The following NRXN3 variants were observed in gnomAD, a reference collection of about 807,000 sequenced individuals.
The protein encoded by NRXN3 is neurexin 3.
NRXN3 carries 32 observed loss-of-function variants against 137.6 expected under a neutral mutation model. The observed-to-expected ratio is 0.23, with a 90% CI of 0.18 to 0.31. NRXN3 has a LOEUF of 0.31. Among genes scored for constraint, NRXN3 ranks in the 10% least tolerant of loss-of-function variants. The pLI, the probability that NRXN3 is intolerant of heterozygous loss-of-function variation, is 1.00. For missense variants in NRXN3, 1,574 were observed against 2,062.5 expected (o/e 0.76, Z 4.59); for synonymous variants, 798 against 784.5 (o/e 1.02, Z -0.29).
intron 4 of NRXN3, among the ~76,000 whole-genome samples, chr14:78,558,500 A>C (rs1600446700): frequency 6.6e-6 from 1 of 152,204 alleles, no homozygotes; most frequent in African/African-American, 2.4e-5. Flanking sequence ...TTTCATTGCT[A>C]TTACTCTGGC....
intron 10 of NRXN3, among the ~76,000 whole-genome samples, chr14:78,938,842 A>ATTTTTCTTTTTTTTTTTTTTTTCT (rs2099347085): frequency 2.2e-5 from 3 of 134,370 alleles, no homozygotes; most frequent in African/African-American, 8.9e-5. Context: ...GTCCAGAGTG[A>ATTTTTCTTTTTTTTTTTTTTTTCT]TTTTTCTTTT....
At chr14:78,457,510 C>T (rs1279674960) in intron 4 of NRXN3, among the ~76,000 whole-genome samples, 3 of 152,082 alleles carry the variant, frequency 2.0e-5, no homozygotes, top group Non-Finnish European at 4.4e-5. Context: ...ACCTTCTGGT[C>T]CAGGATCAGG....
At chr14:78,483,240 G>A (rs541605716) in intron 4 of NRXN3, among the ~76,000 whole-genome samples, 5 of 152,246 alleles carry the variant, frequency 3.3e-5, no homozygotes, top group East Asian at 1.9e-4. Flanking sequence ...CCCCTTCTAC[G>A]TGACTCTGTC....
rs2098391198 is a variant in NRXN3, at chr14:78,709,926, A to G, written c.1660+271A>G. ...AGCTAAGGATGGTTTTACAAGTAGC[A>G]TTTCCACTGCTACCAGAGCAACTCT... On this transcript the variant is annotated intron_variant, in intron 7 of 20. Coordinates refer to ENST00000335750, the MANE Select transcript of NRXN3 (RefSeq NM_001330195.2). 6.9e-6 allele frequency: 3 copies of G among 433,154 alleles called. No individual in the cohort carries two copies. In the South Asian group the frequency reaches 8.0e-5, roughly 12 times the overall value. 26.8% of individuals were successfully genotyped at this position (433,154 alleles called of 1,614,324 possible).
chr14:78,728,049 G>T (rs1281584899), intron 8 of NRXN3, among the ~76,000 whole-genome samples: 1 of 152,184 alleles, frequency 6.6e-6, no homozygotes, highest in Non-Finnish European at 1.5e-5. Flanking sequence ...AAGTTACAGA[G>T]GTAGTAAGTA....
rs17109141 is a variant in NRXN3, at chr14:79,411,177, C to T, written c.3263-56044C>T. On this transcript the variant is annotated intron_variant, in intron 15 of 20. Transcript: ENST00000335750. ...TATGTCAGAGTTTGCAAGCATGTGG[C>T]TTATAAACTCAAGATGGCTGGTACA... Among the ~76,000 whole-genome samples the T allele has an allele frequency of 2.4e-3, 358 of 152,178 alleles. 7 individuals carry two copies. In the East Asian group the frequency reaches 0.058, roughly 25 times the overall value.
At position 78,243,313 on chromosome 14, in the gene NRXN3, G is replaced by A. The variant is rs1316421578; in HGVS notation, c.220G>A (p.Asp74Asn). 2.6e-6 allele frequency: 4 copies of A among 1,559,148 alleles called. No homozygotes were observed. The highest frequency in any genetic ancestry group is 2.3e-5 in the East Asian group (1 of 42,744). Residue 74 changes from aspartate to asparagine, a missense_variant, in exon 2 of 21, where the codon GAC (aspartate) becomes AAC (asparagine). Asp to Asn is a conservative substitution (Grantham distance 23). This residue lies in a region of NRXN3 where 400 missense variants were observed against 527.3 expected (regional missense o/e 0.76). Coordinates refer to ENST00000335750, the MANE Select transcript of NRXN3 (RefSeq NM_001330195.2). This position sits in a 1 kb window ranked among gnomAD's most constrained non-coding sequence, Gnocchi z 4.2. ...CTACCTGGATGATGGCGGCGTCTGCGACTTCCTATGCCTCTCCCTGGTGGA... is the reference window on the plus strand; with the variant it reads ...CTACCTGGATGATGGCGGCGTCTGCAACTTCCTATGCCTCTCCCTGGTGGA... ...LLYLDDGGVC[D>N]FLCLSLVDGR...
At chr14:79,319,924 G>A (rs1263254146) in intron 15 of NRXN3, among the ~76,000 whole-genome samples, 1 of 152,100 alleles carries the variant, frequency 6.6e-6, no homozygotes, top group Non-Finnish European at 1.5e-5. Flanking sequence ...ATGCCCAAGG[G>A]TGTATTTTGC....
chr14:78,783,546 T>A (rs560024944), intron 8 of NRXN3, among the ~76,000 whole-genome samples: 2 of 152,326 alleles, frequency 1.3e-5, no homozygotes, highest in Admixed American at 6.5e-5. Context: ...AATGTATATT[T>A]GCTATGATTG....
rs181081331 is a variant in NRXN3, at chr14:78,855,478, A to G, written c.2275+45134A>G. On this transcript the variant is annotated intron_variant, in intron 10 of 20. Coordinates refer to ENST00000335750, the MANE Select transcript of NRXN3 (RefSeq NM_001330195.2). ...AACCTGTAATCCCAATGCCTGTTCT[A>G]TGTGTTATACCTGTGTTTTCCTGAA... Among the ~76,000 whole-genome samples, 323 of 152,214 alleles carry G rather than the reference A, an allele frequency of 2.1e-3. 1 individual carries two copies. Among genetic ancestry groups the G allele is most frequent in the African/African-American group, 6.8e-3 (282 of 41,532 alleles).
At chr14:79,468,020 G>A (rs772796190) in intron 16 of NRXN3, among the ~76,000 whole-genome samples, 8 of 152,206 alleles carry the variant, frequency 5.3e-5, no homozygotes, top group Middle Eastern at 3.2e-3. Context: ...TGTAATAAAT[G>A]TGTGATAAAA....
intron 16 of NRXN3, among the ~76,000 whole-genome samples, chr14:79,586,458 T>G (rs554921437): frequency 2.0e-5 from 3 of 152,334 alleles, no homozygotes; most frequent in Admixed American, 2.0e-4. Context: ...TTGAATATGG[T>G]CAGATGTTGG....
chr14:78,718,664 CT>C (rs1394382479), intron 8 of NRXN3, among the ~76,000 whole-genome samples: 1 of 152,212 alleles, frequency 6.6e-6, no homozygotes, highest in Non-Finnish European at 1.5e-5. Flanking sequence ...ATGAGCTACT[CT>C]AAATCTTGAT....
chr14:78,413,253 A>T (rs1451620276), intron 4 of NRXN3, among the ~76,000 whole-genome samples: 3 of 152,172 alleles, frequency 2.0e-5, no homozygotes, highest in South Asian at 2.1e-4. Context: ...TGTGACACAG[A>T]GTTTGCTCTG....
At chr14:79,752,974 C>G (rs1396359678) in intron 19 of NRXN3, among the ~76,000 whole-genome samples, 1 of 152,012 alleles carries the variant, frequency 6.6e-6, no homozygotes, top group East Asian at 1.9e-4. Flanking sequence ...AAAAAATGCT[C>G]ATCATCACTG....
chr14:78,928,036 A>G (rs930027128), intron 10 of NRXN3, among the ~76,000 whole-genome samples: 1 of 152,152 alleles, frequency 6.6e-6, no homozygotes, highest in Non-Finnish European at 1.5e-5. Flanking sequence ...TGATTCTCAG[A>G]CATATTCCAC....
intron 14 of NRXN3, among the ~76,000 whole-genome samples, chr14:78,983,408 C>T (rs1459215490): frequency 1.3e-5 from 2 of 152,192 alleles, no homozygotes; most frequent in African/African-American, 4.8e-5. Flanking sequence ...TGTTCATCCT[C>T]AGATGAATGG....
chr14:78,409,575 A>T (rs985999643), intron 4 of NRXN3, among the ~76,000 whole-genome samples: 2 of 152,222 alleles, frequency 1.3e-5, no homozygotes, highest in Middle Eastern at 3.2e-3. Context: ...TAACCTCTTG[A>T]TATGAATTTA....
At chr14:78,569,695 G>A (rs996406283) in intron 4 of NRXN3, among the ~76,000 whole-genome samples, 11 of 152,054 alleles carry the variant, frequency 7.2e-5, no homozygotes, top group African/African-American at 2.4e-4. Context: ...AAGTAGCTGA[G>A]ACTACAGGCA....
Sources: allele counts gnomAD v4.1 joint callset (sites outside exome capture counted in the v4.1 genomes callset), GRCh38; gene constraint gnomAD v4.1.1; regional missense constraint gnomAD v4.1.1; non-coding constraint Gnocchi (gnomAD v3.1); transcripts MANE v1.5; gene names NCBI Gene and HGNC (gene_info 2026-07-23, HGNC 2026-07-21).